The following FGD3 variants were observed in gnomAD, a reference collection of about 807,000 sequenced individuals.
FGD3 encodes FYVE, RhoGEF and PH domain containing 3.
In FGD3, 45 loss-of-function variants were observed where a neutral mutation model predicts 71.8. The observed-to-expected ratio is 0.63, with a 90% CI of 0.49 to 0.80. The LOEUF (loss-of-function observed/expected upper bound fraction) is 0.80, where lower values mean the gene tolerates loss of function less well. Among genes scored for constraint, FGD3 ranks in the 30% least tolerant of loss-of-function variants. The pLI is 0.00. For missense variants in FGD3, 844 were observed against 951.5 expected (o/e 0.89, Z 1.49); for synonymous variants, 378 against 392.8 (o/e 0.96, Z 0.44).
chr9:92,972,587 T>G (rs1038728750), intron 1 of FGD3, among the ~76,000 whole-genome samples: 7 of 152,240 alleles, frequency 4.6e-5, no homozygotes, highest in African/African-American at 1.7e-4. Context: ...GGGAAAAGTT[T>G]TAACTACAAG....
chr9:93,019,298 A>G (rs1238708549), intron 11 of FGD3, among the ~76,000 whole-genome samples: 1 of 152,030 alleles, frequency 6.6e-6, no homozygotes, highest in African/African-American at 2.4e-5. Flanking sequence ...AAGCAACACA[A>G]TTTTCCATTA....
chr9:92,967,349 G>A lies in FGD3; in HGVS notation c.-217-7889G>A, dbSNP rs138957967. Among the ~76,000 whole-genome samples, 95 of 152,180 alleles carry A rather than the reference G, an allele frequency of 6.2e-4. No homozygotes were observed. In the East Asian group the frequency reaches 0.01, roughly 16 times the overall value. On this transcript the variant is annotated intron_variant, in intron 1 of 17. Transcript: ENST00000375482. ...CATCACTGCCATCCATCTCCAGAGC[G>A]TCTTCACCTTCCCAATCTGAAACTC... is the stretch of plus-strand genomic sequence containing the variant.
chr9:92,981,588 T>C (rs996783273), intron 3 of FGD3, among the ~76,000 whole-genome samples: 31 of 152,160 alleles, frequency 2.0e-4, no homozygotes, highest in Non-Finnish European at 2.8e-4. Context: ...CTCTATTTCC[T>C]TATTGATCTT....
Position 93,034,644 on chromosome 9 carries a change from C to T in FGD3, c.1889C>T (p.Ser630Leu). 1 of 1,613,426 alleles carries T rather than the reference C, an allele frequency of 6.2e-7. No individual in the cohort carries two copies. The change falls in exon 17 of 18, where the codon TCA becomes TTA. Residue 630 changes from serine (S) to leucine (L), a missense_variant. Ser to Leu is a moderately radical substitution (Grantham distance 145). Coordinates refer to ENST00000375482, the MANE Select transcript of FGD3 (RefSeq NM_001083536.2). ...WSEVWAAIPM[S>L]DPQVLHLQGG... ...GAGGTGTGGGCCGCCATCCCCATGT[C>T]AGATCCCCAGGTGCTGCACCTGCAG...
At chr9:92,977,485 G>A (rs1859808634) in intron 3 of FGD3, among the ~76,000 whole-genome samples, 1 of 152,120 alleles carries the variant, frequency 6.6e-6, no homozygotes, top group African/African-American at 2.4e-5. Context: ...GGACGTTGCT[G>A]GCTGACACGG....
In FGD3 at chr9:92,951,111, T is replaced by C. The variant is rs146215329; in HGVS notation, c.-218+3382T>C. Among the ~76,000 whole-genome samples, 115 of 152,252 alleles carry C rather than the reference T, an allele frequency of 7.6e-4. 1 individual carries two copies. The highest frequency in any genetic ancestry group is 4.7e-4 in the Non-Finnish European group (32 of 68,012). On this transcript the variant is annotated intron_variant, in intron 1 of 17. Coordinates refer to ENST00000375482, the MANE Select transcript of FGD3 (RefSeq NM_001083536.2). ...TCTGGGGGTCCCGCTCTAGGTCTAGTGTGTTCATGAGGGAATTCCAACCGG... is the reference window on the plus strand; with the variant it reads ...TCTGGGGGTCCCGCTCTAGGTCTAGCGTGTTCATGAGGGAATTCCAACCGG...
chr9:92,997,613 G>A (rs11531835), intron 3 of FGD3, among the ~76,000 whole-genome samples: 10,384 of 152,198 alleles, frequency 0.068, 547 homozygotes, highest in South Asian at 0.2. Flanking sequence ...GGCTGGTACC[G>A]GTTGTTCCTT....
At chr9:93,012,188 G>A (rs1285020633) in intron 8 of FGD3, among the ~76,000 whole-genome samples, 4 of 151,776 alleles carry the variant, frequency 2.6e-5, no homozygotes, top group Admixed American at 6.6e-5. Flanking sequence ...ACAAAAACCA[G>A]GGGGAAAAAA....
intron 1 of FGD3, among the ~76,000 whole-genome samples, chr9:92,971,871 A>G (rs1014516546): frequency 2.6e-5 from 4 of 151,906 alleles, no homozygotes; most frequent in African/African-American, 9.7e-5. Context: ...CAATCAAGGT[A>G]ATGAATATGT....
intron 6 of FGD3, 54 bp from the exon 7 acceptor site, chr9:93,010,192 C>CTGGCA: frequency 6.5e-7 from 1 of 1,539,878 alleles, no homozygotes; most frequent in Admixed American, 1.9e-5. Context: ...GCCGGTGGGG[C>CTGGCA]TGGCATCCAC....
At chr9:93,005,834 T>C (rs1428640949) in intron 5 of FGD3, among the ~76,000 whole-genome samples, 190 bp from the exon 6 acceptor site, 1 of 152,190 alleles carries the variant, frequency 6.6e-6, no homozygotes, top group Non-Finnish European at 1.5e-5. Flanking sequence ...TTCATTTAAT[T>C]GCCCAGTTAC....
chr9:93,003,978 C>T lies in FGD3; in HGVS notation c.544-23C>T, dbSNP rs377157870. ...CTCAGTGGAAGAGGCTCACTGGCCA[C>T]ACGTGGGCTTCTCTATGCTCAGGTT... On this transcript the variant is annotated intron_variant, in intron 4 of 17. Transcript: ENST00000375482. This position sits in a 1 kb window ranked among gnomAD's most constrained non-coding sequence, Gnocchi z 4.1. 9.9e-6 allele frequency: 16 copies of T among 1,613,476 alleles called. No individual in the cohort carries two copies. The highest frequency in any genetic ancestry group is 1.2e-5 in the Non-Finnish European group (14 of 1,179,850).
rs142742259 is a variant in FGD3 at position 92,975,682 on chromosome 9, G to A, written c.-50+277G>A. Reference sequence around the variant, plus strand: ...CTTGGTCCACATCCTCTGGCAAGACGCACCTCCTGCCCCAGCCCTCCCCTG... The same window carrying A: ...CTTGGTCCACATCCTCTGGCAAGACACACCTCCTGCCCCAGCCCTCCCCTG... On this transcript the variant is annotated intron_variant, in intron 2 of 17. Coordinates refer to ENST00000375482, the MANE Select transcript of FGD3 (RefSeq NM_001083536.2). Among the ~76,000 whole-genome samples the A allele has an allele frequency of 6.1e-3, 932 of 152,210 alleles. 7 individuals carry two copies. Among genetic ancestry groups the A allele is most frequent in the Non-Finnish European group, 8.8e-3 (601 of 68,008 alleles).
intron 1 of FGD3, among the ~76,000 whole-genome samples, chr9:92,949,717 G>A (rs966612866): frequency 2.6e-5 from 4 of 152,164 alleles, no homozygotes; most frequent in South Asian, 4.1e-4. Flanking sequence ...AAGAAGAGGC[G>A]AGGTGCTTGT....
intron 1 of FGD3, among the ~76,000 whole-genome samples, chr9:92,960,579 C>A (rs1458530756): frequency 6.6e-6 from 1 of 152,132 alleles, no homozygotes; most frequent in African/African-American, 2.4e-5. Flanking sequence ...TGGTAGCAAC[C>A]CTGGGAAGGA....
At chr9:93,014,142 C>T in intron 9 of FGD3, 144 bp downstream of exon 9, 1 of 1,037,282 alleles carries the variant, frequency 9.6e-7, no homozygotes, top group Non-Finnish European at 1.3e-6. Flanking sequence ...CCCTCTGAGA[C>T]CCTCAGCATC....
chr9:93,020,876 G>T (rs10992581), intron 13 of FGD3, among the ~76,000 whole-genome samples: 58,914 of 152,120 alleles, frequency 0.39, 12,545 homozygotes, highest in African/African-American at 0.57. Flanking sequence ...ACTAAGTGCC[G>T]CTGCAGCCTG....
At chr9:92,974,444 G>A (rs943977585) in intron 1 of FGD3, 1 of 152,270 alleles carries the variant, frequency 6.6e-6, no homozygotes. Context: ...GTCATTTAAA[G>A]AAACGTCCAC....
rs540509973 is a variant in FGD3, at chr9:92,985,930, T to G, written c.453+9221T>G. ...GGAAAAAGGTAAAATGTGTCCCTTC[T>G]TACTTTCCTATTATCTTGAATAGGG... On this transcript the variant is annotated intron_variant, in intron 3 of 17. Coordinates refer to ENST00000375482, the MANE Select transcript of FGD3 (RefSeq NM_001083536.2). Among the ~76,000 whole-genome samples the G allele has an allele frequency of 2.0e-5, 3 of 152,334 alleles. No homozygotes were observed. The South Asian group carries it at 6.2e-4, about 32-fold the overall frequency.
Sources: allele counts gnomAD v4.1 joint callset (sites outside exome capture counted in the v4.1 genomes callset), GRCh38; gene constraint gnomAD v4.1.1; non-coding constraint Gnocchi (gnomAD v3.1); transcripts MANE v1.5; gene names NCBI Gene and HGNC (gene_info 2026-07-23, HGNC 2026-07-21).